Variants in CASTOR2 observed in about 807,000 individuals in gnomAD.
CASTOR2 encodes the protein GATS protein like 2.
A neutral mutation model predicts 31.2 loss-of-function variants in CASTOR2; 8 were observed. That is an observed-to-expected ratio of 0.26 (90% CI 0.15 to 0.46). The LOEUF (loss-of-function observed/expected upper bound fraction) is 0.46. CASTOR2 is among the 20% of genes least tolerant of loss of function. CASTOR2 has a pLI of 0.99. For synonymous variants in CASTOR2, 162 were observed against 158.7 expected (o/e 1.02, Z -0.16); for missense variants, 216 against 382.1 (o/e 0.57, Z 3.62).
rs1276091654 is a variant in CASTOR2 at position 75,005,007 on chromosome 7, A to G, written c.114-2987A>G. On this transcript the variant is annotated intron_variant, in intron 1 of 8. Transcript: ENST00000616305. ...CTGCCTCCCCAGTAGTTGGGATTAC[A>G]GGTGCCCACTGCCACGCCTGGCTAA... is the stretch of plus-strand genomic sequence containing the variant. Among the ~76,000 whole-genome samples the G allele has an allele frequency of 1.9e-3, 282 of 151,776 alleles. 1 individual carries two copies. Among genetic ancestry groups the G allele is most frequent in the Non-Finnish European group, 3.7e-3 (251 of 67,938 alleles).
chr7:74,977,073 A>G (rs1272796000), intron 1 of CASTOR2, among the ~76,000 whole-genome samples: 1 of 149,982 alleles, frequency 6.7e-6, no homozygotes. Context: ...AATCCCAGCT[A>G]CTGGGGAGGC....
intron 2 of CASTOR2, among the ~76,000 whole-genome samples, chr7:75,012,332 C>G (rs1804769787): frequency 6.6e-6 from 1 of 152,260 alleles, no homozygotes; most frequent in South Asian, 2.1e-4. Flanking sequence ...TCGAGGTAGT[C>G]TCGCTCTGTC....
At position 75,026,188 on chromosome 7, in the gene CASTOR2, G is replaced by GTTTTTTTTTTTTTTTTTTTTTTTTTTTT. The variant is rs1178084776; in HGVS notation, c.*1489_*1490insTTTTTTTTTTTTTTTTTTTTTTTTTTTT. The stretch of plus-strand genomic sequence containing the variant: ...CCCCTGTGGTTTTGGCTCTGGCGGG[G>GTTTTTTTTTTTTTTTTTTTTTTTTTTTT]GTTTTTTTTTTTTTTTTTGAGATGG... On this transcript the variant is annotated 3_prime_UTR_variant, in exon 9 of 9. Transcript: ENST00000616305. Among the ~76,000 whole-genome samples, 41 of 113,272 alleles carry GTTTTTTTTTTTTTTTTTTTTTTTTTTTT rather than the reference G, an allele frequency of 3.6e-4. 2 individuals carry two copies. The highest frequency in any genetic ancestry group is 8.5e-4 in the South Asian group (3 of 3,548). 74.3% of individuals were successfully genotyped at this position (113,272 alleles called of 152,430 possible). A position where few individuals can be genotyped will look rare whatever the true frequency, so the allele number is the denominator to read the frequency against.
intron 1 of CASTOR2, among the ~76,000 whole-genome samples, chr7:74,982,425 C>T (rs1480664315): frequency 2.0e-5 from 3 of 151,830 alleles, no homozygotes; most frequent in South Asian, 2.1e-4. Flanking sequence ...GGGCAGATCT[C>T]GCGGTGAATT....
In CASTOR2 at chr7:74,987,414, A is replaced by C. The variant is rs587662272; in HGVS notation, c.114-20580A>C. Reference sequence around the variant, plus strand: ...TTCTGTCTCAAAAAGAAAAAAAAAAAAAAAAGATGCCAGGATCCCTAAATC... The same window carrying C: ...TTCTGTCTCAAAAAGAAAAAAAAAACAAAAAGATGCCAGGATCCCTAAATC... On this transcript the variant is annotated intron_variant, in intron 1 of 8. Coordinates refer to ENST00000616305, the MANE Select transcript of CASTOR2 (RefSeq NM_001145064.3). 2.0e-5 allele frequency among the ~76,000 whole-genome samples: 3 copies of C among 152,070 alleles called. No homozygotes were observed. The East Asian group carries it at 5.8e-4, about 29-fold the overall frequency.
At chr7:75,020,680 C>A (rs989425707) in intron 6 of CASTOR2, among the ~76,000 whole-genome samples, 8 of 150,458 alleles carry the variant, frequency 5.3e-5, no homozygotes, top group Admixed American at 1.3e-4. Flanking sequence ...TAGTAGAGAC[C>A]AGGTTTCACC....
chr7:75,023,902 T>C (rs1435866932), intron 7 of CASTOR2, among the ~76,000 whole-genome samples: 3 of 152,192 alleles, frequency 2.0e-5, no homozygotes, highest in Non-Finnish European at 2.9e-5. Flanking sequence ...TTGGAGGATT[T>C]GGGCAGGAAC....
At chr7:75,001,050 G>A (rs1238620849) in intron 1 of CASTOR2, among the ~76,000 whole-genome samples, 1 of 152,060 alleles carries the variant, frequency 6.6e-6, no homozygotes, top group Non-Finnish European at 1.5e-5. Flanking sequence ...ACAGGGCATG[G>A]TGACCCTGCA....
At chr7:75,008,144 C>G in intron 2 of CASTOR2, 80 bp downstream of exon 2, 2 of 1,454,842 alleles carry the variant, frequency 1.4e-6, no homozygotes, top group South Asian at 2.3e-5. Flanking sequence ...TATTTCTGTC[C>G]CCCGCCCACC....
chr7:75,003,901 C>T (rs1387426847), intron 1 of CASTOR2, among the ~76,000 whole-genome samples: 5 of 152,140 alleles, frequency 3.3e-5, no homozygotes, highest in Admixed American at 1.3e-4. Flanking sequence ...GTGCACATTC[C>T]GAGATGTCCC....
Position 75,028,086 on chromosome 7 carries a change from G to A in CASTOR2, c.*3387G>A. 1 of 1,531,038 alleles carries A rather than the reference G, an allele frequency of 6.5e-7. No individual in the cohort carries two copies. Among genetic ancestry groups the A allele is most frequent in the Non-Finnish European group, 8.7e-7 (1 of 1,145,636 alleles). 94.8% of individuals were successfully genotyped at this position (1,531,038 alleles called of 1,614,324 possible). ...TGGCGGATGGGGCAGGTGCCTGGCG[G>A]GGGAGGAAGAGGGCTCTCTATGATG... On this transcript the variant is annotated 3_prime_UTR_variant, in exon 9 of 9. Transcript: ENST00000616305.
intron 1 of CASTOR2, among the ~76,000 whole-genome samples, chr7:74,996,291 TTGGAGTGG>T (rs1232662431): frequency 2.0e-5 from 3 of 151,724 alleles, no homozygotes; most frequent in Non-Finnish European, 2.9e-5. Flanking sequence ...CACGGTAGGG[TTGGAGTGG>T]TGGTGGCCGC....
rs1805084786 is a variant in CASTOR2, at chr7:75,024,861, G to A, written c.*162G>A. On this transcript the variant is annotated 3_prime_UTR_variant, in exon 9 of 9. Transcript: ENST00000616305. Reference sequence around the variant, plus strand: ...GATTGCCAATCCCTCCAGGGCAGGGGCCCACGCCAAGGCCTCTCCATGCCC... The same window carrying A: ...GATTGCCAATCCCTCCAGGGCAGGGACCCACGCCAAGGCCTCTCCATGCCC... The A allele has an allele frequency of 1.0e-5, 16 of 1,526,760 alleles. No individual in the cohort carries two copies. The African/African-American group carries it at 1.2e-4, about 12-fold the overall frequency. 94.6% of individuals were successfully genotyped at this position (1,526,760 alleles called of 1,614,324 possible). A position where few individuals can be genotyped will look rare whatever the true frequency, so the allele number is the denominator to read the frequency against.
rs1345814507 is a variant in CASTOR2, at chr7:75,017,960, G to A, written c.379-30G>A. Reference sequence around the variant, plus strand: ...GACCCACATCCCCCAGGGCCACCAGGCACACACGGCCTCAACTTCTTGCCC... The same window carrying A: ...GACCCACATCCCCCAGGGCCACCAGACACACACGGCCTCAACTTCTTGCCC... On this transcript the variant is annotated intron_variant, in intron 3 of 8. Transcript: ENST00000616305. 3.7e-6 allele frequency: 6 copies of A among 1,614,150 alleles called. No homozygotes were observed. In the Admixed American group the frequency reaches 8.3e-5, roughly 22 times the overall value.
rs1481014950 is a variant in CASTOR2, at chr7:75,021,842, C to T, written c.747-32C>T. 5.2e-6 allele frequency: 8 copies of T among 1,551,212 alleles called. No individual in the cohort carries two copies. The African/African-American group carries it at 5.5e-5, about 11-fold the overall frequency. Reference sequence around the variant, plus strand: ...AAGGAGGGAGTGCAATTCACATCAGCCTCGGGGATTCTTCTCTCGCTCCTT... The same window carrying T: ...AAGGAGGGAGTGCAATTCACATCAGTCTCGGGGATTCTTCTCTCGCTCCTT... On this transcript the variant is annotated intron_variant, in intron 6 of 8. Transcript: ENST00000616305.
At chr7:74,986,466 G>C (rs1397320841) in intron 1 of CASTOR2, among the ~76,000 whole-genome samples, 1 of 150,524 alleles carries the variant, frequency 6.6e-6, no homozygotes, top group African/African-American at 2.4e-5. Flanking sequence ...CTCCAGCCTG[G>C]GCAACAGAGG....
At chr7:75,006,532 C>T (rs1463162681) in intron 1 of CASTOR2, among the ~76,000 whole-genome samples, 5 of 152,174 alleles carry the variant, frequency 3.3e-5, no homozygotes, top group African/African-American at 1.2e-4. Flanking sequence ...ACTGTCCACT[C>T]AAAGATCCCT....
Position 75,029,448 on chromosome 7 carries a change from A to AT in CASTOR2, c.*4751dup, listed in dbSNP as rs1233509797. On this transcript the variant is annotated 3_prime_UTR_variant, in exon 9 of 9. Coordinates refer to ENST00000616305, the MANE Select transcript of CASTOR2 (RefSeq NM_001145064.3). The stretch of plus-strand genomic sequence containing the variant: ...AACCTCTGCTTCCCAGGTTCAAGTG[A>AT]TTCTCCTGCCTCAGCCTCCCAAGTA... Among the ~76,000 whole-genome samples the AT allele has an allele frequency of 1.4e-5, 2 of 146,802 alleles. No homozygotes were observed. The highest frequency in any genetic ancestry group is 5.1e-5 in the African/African-American group (2 of 39,340).
At chr7:74,992,422 T>C (rs1804233741) in intron 1 of CASTOR2, among the ~76,000 whole-genome samples, 1 of 152,056 alleles carries the variant, frequency 6.6e-6, no homozygotes, top group African/African-American at 2.4e-5. Context: ...AGCAACATCG[T>C]GAGACCCTGT....
Sources: allele counts gnomAD v4.1 joint callset (sites outside exome capture counted in the v4.1 genomes callset), GRCh38; gene constraint gnomAD v4.1.1; transcripts MANE v1.5; gene names NCBI Gene and HGNC (gene_info 2026-07-23, HGNC 2026-07-21).